The following SUMF1 variants were observed in gnomAD, a reference collection of about 807,000 sequenced individuals.
The protein encoded by SUMF1 is sulfatase modifying factor 1, also known as formylglycine-generating enzyme.
SUMF1 carries 48 observed loss-of-function variants against 47.6 expected under a neutral mutation model. The observed-to-expected ratio is 1.01, with a 90% CI of 0.80 to 1.28. SUMF1 has a LOEUF of 1.28. Ranked by LOEUF, SUMF1 falls within the 50% of genes most tolerant of loss-of-function variation. The pLI is 0.00. For synonymous variants in SUMF1, 230 were observed against 192.1 expected (o/e 1.20, Z -1.63); for missense variants, 571 against 485.4 (o/e 1.18, Z -1.66).
intron 9 of SUMF1, among the ~76,000 whole-genome samples, chr3:4,058,842 C>A (rs1239931598): frequency 6.6e-6 from 1 of 152,060 alleles, no homozygotes; most frequent in East Asian, 1.9e-4. Context: ...CATTTCCAAA[C>A]AGTCAGGCTT....
At chr3:4,381,326 G>A (rs1700497740) in intron 7 of SUMF1, among the ~76,000 whole-genome samples, 1 of 152,110 alleles carries the variant, frequency 6.6e-6, no homozygotes, top group African/African-American at 2.4e-5. Context: ...ATGGACTTTG[G>A]GGACTCGGGG....
At chr3:4,087,360 T>A (rs1046664063) in intron 8 of SUMF1, among the ~76,000 whole-genome samples, 2 of 152,130 alleles carry the variant, frequency 1.3e-5, no homozygotes, top group Non-Finnish European at 2.9e-5. Context: ...AATAGCCATA[T>A]GACATAGGTA....
Position 4,456,692 on chromosome 3 carries a change from G to GTGTATA in SUMF1, c.271-3644_271-3643insTATACA, listed in dbSNP as rs1553588969. Among the ~76,000 whole-genome samples, 748 of 130,364 alleles carry GTGTATA rather than the reference G, an allele frequency of 5.7e-3. 39 individuals are homozygous for GTGTATA. Among genetic ancestry groups the GTGTATA allele is most frequent in the East Asian group, 0.021 (87 of 4,196 alleles). The allele number at this position is 130,364 out of a possible 152,430, so 85.5% of individuals were successfully genotyped here. On this transcript the variant is annotated intron_variant, in intron 1 of 8. Coordinates refer to ENST00000272902, the MANE Select transcript of SUMF1 (RefSeq NM_182760.4). ...TATATACGTGTATATATATATGTGT[G>GTGTATA]TATATATATATACGTATATATATAC... is the stretch of plus-strand genomic sequence containing the variant.
chr3:4,403,862 T>C (rs966215393), intron 7 of SUMF1, among the ~76,000 whole-genome samples: 1 of 152,168 alleles, frequency 6.6e-6, no homozygotes, highest in Non-Finnish European at 1.5e-5. Context: ...ATTTCCCACC[T>C]TTCAGATCCA....
At chr3:4,138,972 C>G (rs1317007882) in intron 8 of SUMF1, among the ~76,000 whole-genome samples, 6 of 152,034 alleles carry the variant, frequency 3.9e-5, no homozygotes, top group Non-Finnish European at 7.4e-5. Flanking sequence ...CATTTCTTCT[C>G]AACTCCACTT....
chr3:4,267,546 G>C (rs1020281395), intron 8 of SUMF1, among the ~76,000 whole-genome samples: 1 of 152,112 alleles, frequency 6.6e-6, no homozygotes, highest in African/African-American at 2.4e-5. Flanking sequence ...ATGGTAGTTT[G>C]TATTTCTGTG....
chr3:4,425,115 G>T (rs11710876), intron 3 of SUMF1, among the ~76,000 whole-genome samples: 40,602 of 152,074 alleles, frequency 0.27, 6,144 homozygotes, highest in Middle Eastern at 0.38. Flanking sequence ...GGGAAAAAAA[G>T]ATTACTCTTC....
intron 8 of SUMF1, among the ~76,000 whole-genome samples, chr3:4,103,576 T>G (rs1693087551): frequency 6.6e-6 from 1 of 152,232 alleles, no homozygotes; most frequent in South Asian, 2.1e-4. Flanking sequence ...TCATTAGTGA[T>G]TAGTGGTTTC....
At chr3:4,151,484 T>C (rs1253513672) in intron 8 of SUMF1, among the ~76,000 whole-genome samples, 1 of 146,658 alleles carries the variant, frequency 6.8e-6, no homozygotes, top group African/African-American at 2.5e-5. Context: ...TGTATATATG[T>C]GTATATATAC....
chr3:4,389,766 CT>C (rs1700795426), intron 7 of SUMF1, among the ~76,000 whole-genome samples: 1 of 152,100 alleles, frequency 6.6e-6, no homozygotes, highest in Non-Finnish European at 1.5e-5. Flanking sequence ...ATACACTGAG[CT>C]TTTTAGTTTG....
chr3:4,096,399 G>C (rs754153451), intron 8 of SUMF1, among the ~76,000 whole-genome samples: 1 of 152,062 alleles, frequency 6.6e-6, no homozygotes, highest in Non-Finnish European at 1.5e-5. Flanking sequence ...TTCACAATAA[G>C]TTTTAAAATG....
At chr3:4,386,639 T>C (rs1213478015) in intron 7 of SUMF1, among the ~76,000 whole-genome samples, 2 of 152,112 alleles carry the variant, frequency 1.3e-5, no homozygotes, top group African/African-American at 4.8e-5. Flanking sequence ...CAGCACTATG[T>C]TGAATAAGAG....
chr3:4,454,816 T>A (rs758721860), intron 1 of SUMF1, among the ~76,000 whole-genome samples: 93 of 152,262 alleles, frequency 6.1e-4, no homozygotes, highest in Admixed American at 7.2e-4. Context: ...AAGAATCCAA[T>A]CACAAAGGGC....
At chr3:4,045,495 T>C (rs1694989057) in intron 9 of SUMF1, among the ~76,000 whole-genome samples, 1 of 151,924 alleles carries the variant, frequency 6.6e-6, no homozygotes, top group Non-Finnish European at 1.5e-5. Context: ...GCAGCAGTGC[T>C]ATAAGAATAA....
chr3:4,112,054 A>T (rs1217377331), intron 8 of SUMF1, among the ~76,000 whole-genome samples: 1 of 152,102 alleles, frequency 6.6e-6, no homozygotes, highest in Non-Finnish European at 1.5e-5. Flanking sequence ...GATATATGTG[A>T]TTATTACCCC....
At chr3:4,128,330 T>C (rs566950685) in intron 8 of SUMF1, among the ~76,000 whole-genome samples, 1 of 152,128 alleles carries the variant, frequency 6.6e-6, no homozygotes, top group Non-Finnish European at 1.5e-5. Flanking sequence ...GGAATGGGGA[T>C]GTGTAGGAGG....
intron 8 of SUMF1, among the ~76,000 whole-genome samples, chr3:4,133,907 C>G (rs2125089487): frequency 6.6e-6 from 1 of 152,162 alleles, no homozygotes; most frequent in East Asian, 1.9e-4. Flanking sequence ...GGAACAGTAT[C>G]ATTAAAATTG....
chr3:4,309,094 G>A (rs1698304978), intron 8 of SUMF1, among the ~76,000 whole-genome samples: 3 of 152,194 alleles, frequency 2.0e-5, no homozygotes, highest in Admixed American at 1.3e-4. Context: ...TGAAGGAATT[G>A]TTATTGTCTA....
intron 8 of SUMF1, among the ~76,000 whole-genome samples, chr3:4,354,311 G>C: frequency 6.6e-6 from 1 of 152,196 alleles, no homozygotes; most frequent in South Asian, 2.1e-4. Context: ...AATTAGCACT[G>C]AAGACACCAC....
Sources: allele counts gnomAD v4.1 joint callset (sites outside exome capture counted in the v4.1 genomes callset), GRCh38; gene constraint gnomAD v4.1.1; transcripts MANE v1.5; gene names NCBI Gene and HGNC (gene_info 2026-07-23, HGNC 2026-07-21).